CBL: variants seen among roughly 807,000 people sequenced by gnomAD.
CBL encodes E3 ubiquitin-protein ligase CBL.
Under a neutral mutation model 96.9 loss-of-function variants are expected in CBL, and 45 were observed. The observed-to-expected ratio is 0.46, with a 90% CI of 0.37 to 0.60. The LOEUF (loss-of-function observed/expected upper bound fraction) is 0.60, where lower values mean the gene tolerates loss of function less well. Among genes scored for constraint, CBL ranks in the 20% least tolerant of loss-of-function variants. CBL has a pLI of 0.00. For synonymous variants in CBL, 420 were observed against 426.8 expected (o/e 0.98, Z 0.20); for missense variants, 1,024 against 1,143.5 (o/e 0.90, Z 1.51).
Position 119,303,482 on chromosome 11 carries a change from G to C in CBL, c.*3701G>C, listed in dbSNP as rs1950114875. On this transcript the variant is annotated 3_prime_UTR_variant, in exon 16 of 16. Transcript: ENST00000264033. ...ATGTTTGGGGGATTGTACTTGGACT[G>C]TCATAGCCTCTGCGTTTGACCTTAA... The C allele has an allele frequency of 4.3e-6, 1 of 233,554 alleles. No individual in the cohort carries two copies. Among genetic ancestry groups the C allele is most frequent in the Admixed American group, 5.6e-5 (1 of 17,782 alleles). 14.5% of individuals were successfully genotyped at this position (233,554 alleles called of 1,614,324 possible). A position where few individuals can be genotyped will look rare whatever the true frequency, so the allele number is the denominator to read the frequency against.
chr11:119,297,065 A>G (rs762174798), intron 13 of CBL, 31 bp downstream of exon 13: 9 of 1,146,346 alleles, frequency 7.9e-6, no homozygotes, highest in South Asian at 7.3e-5. Flanking sequence ...TTTGGGCCCT[A>G]TACCTTTATG....
chr11:119,228,587 CAA>C (rs1425751228), intron 1 of CBL, among the ~76,000 whole-genome samples: 2 of 145,428 alleles, frequency 1.4e-5, no homozygotes, highest in African/African-American at 5.2e-5. Flanking sequence ...GCCTGAGCGA[CAA>C]GAGCAAAACT....
chr11:119,272,282 C>T (rs1026185984), intron 3 of CBL, among the ~76,000 whole-genome samples: 2 of 152,086 alleles, frequency 1.3e-5, no homozygotes, highest in African/African-American at 4.8e-5. Context: ...CCACCACGCC[C>T]GGCTAATTTT....
chr11:119,249,894 T>C (rs535491858), intron 2 of CBL, among the ~76,000 whole-genome samples: 1 of 152,224 alleles, frequency 6.6e-6, no homozygotes, highest in East Asian at 1.9e-4. Context: ...GCTCAAGTGA[T>C]CCTCCTACCT....
At position 119,286,508 on chromosome 11, in the gene CBL, GT is replaced by G. The variant is rs533173742; in HGVS notation, c.1941+946del. On this transcript the variant is annotated intron_variant, in intron 11 of 15. Transcript: ENST00000264033. Reference sequence around the variant, plus strand: ...AGTATTTCTTTGGAAAGTGGATACGGTTTTCAGATTGATAACAGCCACAATG... The same window carrying G: ...AGTATTTCTTTGGAAAGTGGATACGGTTTCAGATTGATAACAGCCACAATG... Among the ~76,000 whole-genome samples the G allele has an allele frequency of 5.4e-4, 82 of 152,300 alleles. 1 individual carries two copies. In the East Asian group the frequency reaches 0.013, roughly 23 times the overall value.
Position 119,304,170 on chromosome 11 carries a change from A to G in CBL, c.*4389A>G, listed in dbSNP as rs1050689248. On this transcript the variant is annotated 3_prime_UTR_variant, in exon 16 of 16. Coordinates refer to ENST00000264033, the MANE Select transcript of CBL (RefSeq NM_005188.4). ...AAGCTTAGTGTCCACACATCATTCTACCAGACCTTAGAGCTTTAGAAGCTC... is the reference window on the plus strand; with the variant it reads ...AAGCTTAGTGTCCACACATCATTCTGCCAGACCTTAGAGCTTTAGAAGCTC... The G allele has an allele frequency of 1.3e-5, 3 of 233,204 alleles. No homozygotes were observed. The highest frequency in any genetic ancestry group is 2.2e-5 in the African/African-American group (1 of 45,342). The allele number at this position is 233,204 out of a possible 1,614,324, so 14.4% of individuals were successfully genotyped here. A position where few individuals can be genotyped will look rare whatever the true frequency, so the allele number is the denominator to read the frequency against.
Position 119,300,268 on chromosome 11 carries a change from CT to C in CBL, c.*489del. ...TTAGGAAGGAATCTTTTTTTAAAGA[CT>C]TCCATCTACTGTGGTATTATACCCA... is the stretch of plus-strand genomic sequence containing the variant. On this transcript the variant is annotated 3_prime_UTR_variant, in exon 16 of 16. Coordinates refer to ENST00000264033, the MANE Select transcript of CBL (RefSeq NM_005188.4). The C allele has an allele frequency of 2.2e-6, 1 of 454,048 alleles. No homozygotes were observed. The highest frequency in any genetic ancestry group is 3.9e-6 in the Non-Finnish European group (1 of 259,612). The allele number at this position is 454,048 out of a possible 1,614,324, so 28.1% of individuals were successfully genotyped here.
At chr11:119,242,738 CT>C (rs1437906857) in intron 2 of CBL, among the ~76,000 whole-genome samples, 1 of 103,884 alleles carries the variant, frequency 9.6e-6, no homozygotes, top group Non-Finnish European at 1.8e-5. Context: ...GGCCCTGACT[CT>C]TTAAAAAAAA....
In CBL at chr11:119,300,705, C is replaced by A. The variant is rs972572043; in HGVS notation, c.*924C>A. 5 of 396,752 alleles carry A rather than the reference C, an allele frequency of 1.3e-5. No individual in the cohort carries two copies. The highest frequency in any genetic ancestry group is 2.2e-5 in the Non-Finnish European group (5 of 225,222). 24.6% of individuals were successfully genotyped at this position (396,752 alleles called of 1,614,324 possible). A position where few individuals can be genotyped will look rare whatever the true frequency, so the allele number is the denominator to read the frequency against. On this transcript the variant is annotated 3_prime_UTR_variant, in exon 16 of 16. Coordinates refer to ENST00000264033, the MANE Select transcript of CBL (RefSeq NM_005188.4). ...TAGAGGCCTTTAAATACATTCCATG[C>A]CCTCCCCAGAAAATAGTCTGTGGGA...
intron 2 of CBL, among the ~76,000 whole-genome samples, chr11:119,234,886 C>G (rs1324874513): frequency 6.6e-6 from 1 of 152,154 alleles, no homozygotes; most frequent in East Asian, 1.9e-4. Context: ...TAGGAATTTT[C>G]TAGGCAGAGA....
chr11:119,277,023 A>G (rs1247044143), intron 6 of CBL, among the ~76,000 whole-genome samples: 1 of 152,188 alleles, frequency 6.6e-6, no homozygotes, highest in Non-Finnish European at 1.5e-5. Context: ...AGACGGGTGG[A>G]TCACCTGAGG....
intron 1 of CBL, among the ~76,000 whole-genome samples, chr11:119,230,202 A>G (rs2135264466): frequency 6.6e-6 from 1 of 151,110 alleles, no homozygotes. Flanking sequence ...CCCAGGCTGG[A>G]GTGCAGTGGC....
chr11:119,208,596 G>T (rs1408526253), intron 1 of CBL, among the ~76,000 whole-genome samples: 1 of 151,930 alleles, frequency 6.6e-6, no homozygotes, highest in Non-Finnish European at 1.5e-5. Flanking sequence ...TCATCATGTT[G>T]ACCAGGCTCG....
At chr11:119,224,032 G>C (rs1949434968) in intron 1 of CBL, among the ~76,000 whole-genome samples, 1 of 152,164 alleles carries the variant, frequency 6.6e-6, no homozygotes, top group African/African-American at 2.4e-5. Context: ...TTAAGAGTTA[G>C]TGCAGTGCTG....
intron 2 of CBL, among the ~76,000 whole-genome samples, chr11:119,235,266 T>TC (rs1425637627): frequency 1.3e-5 from 2 of 151,922 alleles, no homozygotes; most frequent in Admixed American, 1.3e-4. Flanking sequence ...GGTGTGTGCA[T>TC]CATGCTGGGC....
intron 2 of CBL, 46 bp from the exon 3 acceptor site, chr11:119,271,688 TA>T (rs780980633): frequency 1.7e-5 from 26 of 1,543,218 alleles, no homozygotes; most frequent in Non-Finnish European, 2.1e-5. Flanking sequence ...GCATTTAAAA[TA>T]AAAATAATTT....
intron 2 of CBL, among the ~76,000 whole-genome samples, chr11:119,265,764 T>G (rs1949797608): frequency 2.0e-5 from 3 of 152,048 alleles, no homozygotes. Flanking sequence ...GGCTCACGCC[T>G]GTAATCCCAA....
chr11:119,273,697 T>C (rs1450168252), intron 3 of CBL, among the ~76,000 whole-genome samples, 171 bp from the exon 4 acceptor site: 2 of 152,238 alleles, frequency 1.3e-5, no homozygotes, highest in African/African-American at 4.8e-5. Flanking sequence ...GCACCATGGC[T>C]CCTGGTCCCC....
intron 12 of CBL, among the ~76,000 whole-genome samples, chr11:119,296,417 G>A (rs1950062552): frequency 6.6e-6 from 1 of 152,114 alleles, no homozygotes; most frequent in Non-Finnish European, 1.5e-5. Context: ...GTAGATCTGG[G>A]ATCTAGCCTC....
Sources: allele counts gnomAD v4.1 joint callset (sites outside exome capture counted in the v4.1 genomes callset), GRCh38; gene constraint gnomAD v4.1.1; transcripts MANE v1.5; gene names NCBI Gene and HGNC (gene_info 2026-07-23, HGNC 2026-07-21).